Variants in SLC1A1 observed in about 807,000 individuals in gnomAD.
The protein encoded by SLC1A1 is excitatory amino acid transporter 3.
A neutral mutation model predicts 53.3 loss-of-function variants in SLC1A1; 43 were observed. The ratio of observed to expected loss-of-function variants is 0.81; its 90% CI spans 0.63 to 1.04. The LOEUF (loss-of-function observed/expected upper bound fraction) is 1.04. Among genes scored for constraint, SLC1A1 ranks in the 50% least tolerant of loss-of-function variants. SLC1A1 has a pLI of 0.00. For missense variants in SLC1A1, 748 were observed against 664.9 expected (o/e 1.12, Z -1.37); for synonymous variants, 307 against 243.2 (o/e 1.26, Z -2.44).
At chr9:4,522,090 C>T (rs1378876662) in intron 1 of SLC1A1, among the ~76,000 whole-genome samples, 8 of 137,186 alleles carry the variant, frequency 5.8e-5, no homozygotes, top group South Asian at 2.3e-4. Flanking sequence ...CTTACTCTGT[C>T]GCCCAGGCTG....
At position 4,572,394 on chromosome 9, in the gene SLC1A1, C is replaced by T. The variant is rs753326524; in HGVS notation, c.767+6C>T. On this transcript the variant is annotated splice_donor_region_variant and intron_variant, in intron 7 of 11. Transcript: ENST00000262352. ...ATCGTTCAGATCATCATGTGGTGAGCAGACACTGTTTAATGTCATTTTGCT... is the reference window on the plus strand; with the variant it reads ...ATCGTTCAGATCATCATGTGGTGAGTAGACACTGTTTAATGTCATTTTGCT... The T allele has an allele frequency of 9.9e-6, 16 of 1,611,252 alleles. No homozygotes were observed. The South Asian group carries it at 1.5e-4, about 15-fold the overall frequency.
intron 1 of SLC1A1, among the ~76,000 whole-genome samples, chr9:4,538,257 A>G (rs1351133439): frequency 6.6e-6 from 1 of 152,160 alleles, no homozygotes; most frequent in Non-Finnish European, 1.5e-5. Flanking sequence ...CAGTACATGT[A>G]AGATTTACAT....
intron 1 of SLC1A1, among the ~76,000 whole-genome samples, chr9:4,525,040 C>T (rs1226743328): frequency 6.6e-6 from 1 of 152,140 alleles, no homozygotes; most frequent in Non-Finnish European, 1.5e-5. Context: ...GACCCACTTA[C>T]AGGCTTTAAT....
chr9:4,499,126 C>A (rs1261459679), intron 1 of SLC1A1, among the ~76,000 whole-genome samples: 1 of 149,974 alleles, frequency 6.7e-6, no homozygotes, highest in Admixed American at 6.7e-5. Flanking sequence ...CTCACTGCAA[C>A]CCCTGCCTCC....
chr9:4,582,977 G>A, intron 10 of SLC1A1, 61 bp from the exon 11 acceptor site: 1 of 1,609,134 alleles, frequency 6.2e-7, no homozygotes. Context: ...ACCATTTCAG[G>A]CCAGGGCTTT....
At chr9:4,491,455 C>T (rs76802873) in intron 1 of SLC1A1, among the ~76,000 whole-genome samples, 2,058 of 152,356 alleles carry the variant, frequency 0.014, 51 homozygotes, top group African/African-American at 0.046. Context: ...GTCTCTTCTC[C>T]TGCCTTCCTT....
At chr9:4,529,839 T>C (rs1162521741) in intron 1 of SLC1A1, among the ~76,000 whole-genome samples, 2 of 152,130 alleles carry the variant, frequency 1.3e-5, no homozygotes, top group Non-Finnish European at 2.9e-5. Context: ...AATATATATA[T>C]ACTTGATTAC....
In SLC1A1 at chr9:4,572,391, G is replaced by A. The variant is rs779465323; in HGVS notation, c.767+3G>A. 2.5e-6 allele frequency: 4 copies of A among 1,612,024 alleles called. No individual in the cohort carries two copies. In the African/African-American group the frequency reaches 5.3e-5, roughly 22 times the overall value. ...AAAATCGTTCAGATCATCATGTGGTGAGCAGACACTGTTTAATGTCATTTT... is the reference window on the plus strand; with the variant it reads ...AAAATCGTTCAGATCATCATGTGGTAAGCAGACACTGTTTAATGTCATTTT... On this transcript the variant is annotated splice_donor_region_variant and intron_variant, in intron 7 of 11. Coordinates refer to ENST00000262352, the MANE Select transcript of SLC1A1 (RefSeq NM_004170.6).
intron 2 of SLC1A1, among the ~76,000 whole-genome samples, chr9:4,551,380 C>T (rs1817914681): frequency 6.6e-6 from 1 of 152,100 alleles, no homozygotes; most frequent in Non-Finnish European, 1.5e-5. Flanking sequence ...AACAGACTAA[C>T]AGAAAACCAG....
intron 1 of SLC1A1, among the ~76,000 whole-genome samples, chr9:4,506,044 T>C (rs973379681): frequency 6.6e-6 from 1 of 152,182 alleles, no homozygotes; most frequent in African/African-American, 2.4e-5. Context: ...CAGGCTGGTC[T>C]TGAACTCCTG....
intron 10 of SLC1A1, among the ~76,000 whole-genome samples, chr9:4,580,592 AAAAT>A (rs1360651705): frequency 1.0e-4 from 8 of 79,204 alleles, no homozygotes; most frequent in Admixed American, 1.6e-4. Flanking sequence ...GGAAAAAAAA[AAAAT>A]ATATATGTGT....
Position 4,581,374 on chromosome 9 carries a change from T to A in SLC1A1, c.1194-1664T>A, listed in dbSNP as rs921665987. 6.6e-5 allele frequency among the ~76,000 whole-genome samples: 10 copies of A among 152,352 alleles called. No homozygotes were observed. In the South Asian group the frequency reaches 1.4e-3, roughly 22 times the overall value. ...ATGTTCAAGCAGCAGGAATAGGTTT[T>A]TATATTATTTTCTCCCATCTGAAGG... On this transcript the variant is annotated intron_variant, in intron 10 of 11. Coordinates refer to ENST00000262352, the MANE Select transcript of SLC1A1 (RefSeq NM_004170.6).
chr9:4,581,737 G>A (rs1004074220), intron 10 of SLC1A1, among the ~76,000 whole-genome samples: 5 of 152,212 alleles, frequency 3.3e-5, no homozygotes, highest in Non-Finnish European at 7.3e-5. Context: ...ACTGAGGCCT[G>A]AAACCTTTAG....
chr9:4,510,806 G>A (rs1281628944), intron 1 of SLC1A1, among the ~76,000 whole-genome samples: 1 of 152,092 alleles, frequency 6.6e-6, no homozygotes, highest in African/African-American at 2.4e-5. Flanking sequence ...GGGACCAAAG[G>A]AACATGGTGA....
chr9:4,498,246 G>T (rs889981098), intron 1 of SLC1A1, among the ~76,000 whole-genome samples: 1 of 152,140 alleles, frequency 6.6e-6, no homozygotes, highest in Non-Finnish European at 1.5e-5. Flanking sequence ...TTCTGTGTTT[G>T]AACTGCTGAT....
intron 1 of SLC1A1, among the ~76,000 whole-genome samples, chr9:4,529,801 G>C (rs1226181886): frequency 6.6e-6 from 1 of 152,104 alleles, no homozygotes; most frequent in Non-Finnish European, 1.5e-5. Context: ...TTACAGGTGT[G>C]AGCCACCATA....
chr9:4,517,158 C>T lies in SLC1A1; in HGVS notation c.91+26388C>T, dbSNP rs542883051. Among the ~76,000 whole-genome samples the T allele has an allele frequency of 3.3e-5, 5 of 152,214 alleles. No homozygotes were observed. The South Asian group carries it at 1.0e-3, about 32-fold the overall frequency. On this transcript the variant is annotated intron_variant, in intron 1 of 11. Transcript: ENST00000262352. ...CACCTGACACGTTAATTTCTTCTTC[C>T]CCTGCCCCTCTGTCTTTAGGTGTTC...
At chr9:4,546,550 T>G (rs1192668560) in intron 2 of SLC1A1, among the ~76,000 whole-genome samples, 1 of 152,160 alleles carries the variant, frequency 6.6e-6, no homozygotes, top group Non-Finnish European at 1.5e-5. Flanking sequence ...TGCCATAGTC[T>G]CCACTACTCC....
intron 1 of SLC1A1, among the ~76,000 whole-genome samples, chr9:4,494,972 T>C (rs1820362269): frequency 6.6e-6 from 1 of 152,234 alleles, no homozygotes; most frequent in Admixed American, 6.5e-5. Flanking sequence ...GCTGGCAAGC[T>C]TATTCATTCT....
Sources: allele counts gnomAD v4.1 joint callset (sites outside exome capture counted in the v4.1 genomes callset), GRCh38; gene constraint gnomAD v4.1.1; transcripts MANE v1.5; gene names NCBI Gene and HGNC (gene_info 2026-07-23, HGNC 2026-07-21).